Variants in RB1CC1 observed in about 807,000 individuals in gnomAD.
RB1CC1 encodes the protein RB1 inducible coiled-coil 1.
In RB1CC1, 46 loss-of-function variants were observed where a neutral mutation model predicts 177.5. The observed-to-expected ratio is 0.26, with a 90% CI of 0.20 to 0.33. The LOEUF is 0.33. Ranked by LOEUF, RB1CC1 falls within the 10% of genes least tolerant of loss-of-function variation. The pLI is 1.00. For missense variants in RB1CC1, 1,703 were observed against 1,816.3 expected (o/e 0.94, Z 1.13); for synonymous variants, 666 against 613.6 (o/e 1.09, Z -1.26).
intron 1 of RB1CC1, among the ~76,000 whole-genome samples, chr8:52,695,584 T>A (rs763437698): frequency 1.3e-5 from 2 of 152,180 alleles, no homozygotes; most frequent in African/African-American, 2.4e-5. Flanking sequence ...AGGTGAGTCA[T>A]GTGGACAGTA....
chr8:52,654,452 T>C (rs761709353), intron 15 of RB1CC1, among the ~76,000 whole-genome samples: 67 of 145,140 alleles, frequency 4.6e-4, no homozygotes, highest in Non-Finnish European at 8.6e-4. Context: ...AGTAGCTTCC[T>C]GGCAAGTAAC....
intron 5 of RB1CC1, among the ~76,000 whole-genome samples, chr8:52,680,986 GTGTGTGTGTT>G (rs1563431900): frequency 1.6e-5 from 2 of 124,106 alleles, no homozygotes; most frequent in Non-Finnish European, 3.2e-5. Context: ...GTGTGTGTGT[GTGTGTGTGTT>G]TTTTTTTTTT....
At chr8:52,628,317 C>G in intron 21 of RB1CC1, 149 bp from the exon 22 acceptor site, 1 of 853,382 alleles carries the variant, frequency 1.2e-6, no homozygotes, top group Non-Finnish European at 1.7e-6. Context: ...TTTTTGCATT[C>G]TGCCCAGGTC....
chr8:52,712,496 C>CAAAAAAAAAAAAAAAAAAAAAA (rs5891479), intron 1 of RB1CC1, among the ~76,000 whole-genome samples: 1 of 100,490 alleles, frequency 1.0e-5, no homozygotes. Context: ...CAGCAAGAGC[C>CAAAAAAAAAAAAAAAAAAAAAA]AAAAAAAAAA....
chr8:52,674,328 T>A, intron 6 of RB1CC1, 54 bp from the exon 7 acceptor site: 1 of 1,424,468 alleles, frequency 7.0e-7, no homozygotes. Context: ...TAATTAGGAA[T>A]TAGCATGTTT....
intron 15 of RB1CC1, among the ~76,000 whole-genome samples, chr8:52,646,233 C>A (rs762986443): frequency 2.6e-5 from 4 of 152,010 alleles, no homozygotes; most frequent in Admixed American, 2.0e-4. Flanking sequence ...GAGGCCCAGG[C>A]GGGAGGATCA....
chr8:52,656,694 T>C lies in RB1CC1; in HGVS notation c.3135A>G (p.Glu1045=), dbSNP rs921294486. Residue 1045 remains glutamate (E), a synonymous_variant, in exon 15 of 24, where the codon GAA becomes GAG. Coordinates refer to ENST00000025008, the MANE Select transcript of RB1CC1 (RefSeq NM_014781.5). The part of the protein sequence containing the change: ...IIQEKEKQLQ[E]LKLKVSDLSD... ...ACAAATCAGAAACCTTGAGTTTTAA[T>C]TCCTGTAACTGTTTTTCTTTTTCCT... The C allele has an allele frequency of 1.2e-6, 2 of 1,613,854 alleles. No homozygotes were observed.
rs371886765 is a variant in RB1CC1 at position 52,683,956 on chromosome 8, C to G, written c.129G>C (p.Gln43His). 5.6e-5 allele frequency: 90 copies of G among 1,614,014 alleles called. No individual in the cohort carries two copies. The highest frequency in any genetic ancestry group is 6.9e-5 in the Non-Finnish European group (82 of 1,180,016). ...ATTCTCCTCCATTGACCACCAGCAC[C>G]TGGTGTTGAATAGCAATCTTGTATT... ...QSKYKIAIQH[Q>H]VLVVNGGECM... is the part of the protein sequence containing the mutation. The change falls in exon 4 of 24, where the codon CAG becomes CAC. Residue 43 changes from glutamine (Q) to histidine (H), a missense_variant. By Grantham distance (24) the Gln-to-His change is conservative (BLOSUM62 0). Around this residue, in one of 6 missense-constraint regions of RB1CC1, gnomAD observed 118 missense variants for 121.2 expected, o/e 0.97. Transcript: ENST00000025008.
intron 18 of RB1CC1, among the ~76,000 whole-genome samples, chr8:52,638,632 T>A (rs1005253913): frequency 6.6e-5 from 10 of 152,140 alleles, no homozygotes; most frequent in African/African-American, 2.4e-4. Flanking sequence ...TAAATTTCAA[T>A]GTAATATTGA....
intron 12 of RB1CC1, among the ~76,000 whole-genome samples, chr8:52,659,263 G>GTGTA (rs999084405): frequency 4.6e-5 from 7 of 152,126 alleles, no homozygotes; most frequent in African/African-American, 1.7e-4. Flanking sequence ...TATCCTGTAT[G>GTGTA]TGTATGTATG....
intron 8 of RB1CC1, among the ~76,000 whole-genome samples, chr8:52,663,321 G>C (rs1270898202): frequency 6.6e-6 from 1 of 151,672 alleles, no homozygotes; most frequent in Non-Finnish European, 1.5e-5. Context: ...CAGGGCTCCA[G>C]TGTTACACAG....
intron 1 of RB1CC1, among the ~76,000 whole-genome samples, chr8:52,707,644 A>G (rs1856700605): frequency 6.6e-6 from 1 of 151,716 alleles, no homozygotes; most frequent in African/African-American, 2.4e-5. Context: ...ACCAGTTACA[A>G]CCAAGGTAGT....
chr8:52,667,500 G>C (rs547570711), intron 8 of RB1CC1, among the ~76,000 whole-genome samples: 1 of 152,274 alleles, frequency 6.6e-6, no homozygotes, highest in South Asian at 2.1e-4. Flanking sequence ...GAATTTAAGA[G>C]AGGCACTGGT....
Position 52,658,127 on chromosome 8 carries a change from G to A in RB1CC1, c.1794-3C>T. On this transcript the variant is annotated splice_region_variant and splice_polypyrimidine_tract_variant and intron_variant, in intron 13 of 23. Transcript: ENST00000025008. The stretch of plus-strand genomic sequence containing the variant: ...CAAAGTCACAAAGTAAGGGAACCCT[G>A]AAACAGAATGCAATGCAATTAGACT... 1.9e-6 allele frequency: 3 copies of A among 1,609,150 alleles called. No individual in the cohort carries two copies. The highest frequency in any genetic ancestry group is 2.5e-6 in the Non-Finnish European group (3 of 1,178,718).
At position 52,660,915 on chromosome 8, in the gene RB1CC1, T is replaced by C. The variant is rs181137473; in HGVS notation, c.1627+11A>G. Reference sequence around the variant, plus strand: ...TTACAAAAGTAATTAAAATTATTAATGAACACTTACTAAATAATTTCCCAA... The same window carrying C: ...TTACAAAAGTAATTAAAATTATTAACGAACACTTACTAAATAATTTCCCAA... On this transcript the variant is annotated intron_variant, in intron 11 of 23. Transcript: ENST00000025008. 4.8e-5 allele frequency: 76 copies of C among 1,589,724 alleles called. No individual in the cohort carries two copies. In the African/African-American group the frequency reaches 8.8e-4, roughly 18 times the overall value.
At chr8:52,692,117 G>C (rs1474098272) in intron 1 of RB1CC1, among the ~76,000 whole-genome samples, 1 of 152,108 alleles carries the variant, frequency 6.6e-6, no homozygotes, top group Non-Finnish European at 1.5e-5. Flanking sequence ...AGTAAACTTA[G>C]CCAGGGGTGT....
intron 15 of RB1CC1, among the ~76,000 whole-genome samples, chr8:52,647,377 T>A (rs1237541245): frequency 6.6e-6 from 1 of 152,154 alleles, no homozygotes; most frequent in African/African-American, 2.4e-5. Context: ...GGAATATATA[T>A]TCCATAATAT....
intron 20 of RB1CC1, 83 bp from the exon 21 acceptor site, chr8:52,630,611 T>G (rs1013854061): frequency 3.6e-6 from 5 of 1,401,640 alleles, no homozygotes; most frequent in Non-Finnish European, 4.7e-6. Flanking sequence ...CCCACTGTTA[T>G]ACACATTCAA....
chr8:52,710,444 C>G (rs1256063902), intron 1 of RB1CC1, among the ~76,000 whole-genome samples: 1 of 152,174 alleles, frequency 6.6e-6, no homozygotes, highest in Non-Finnish European at 1.5e-5. Context: ...GTACACCCTT[C>G]AGGTTTTTTT....
Sources: allele counts gnomAD v4.1 joint callset (sites outside exome capture counted in the v4.1 genomes callset), GRCh38; gene constraint gnomAD v4.1.1; regional missense constraint gnomAD v4.1.1; transcripts MANE v1.5; gene names NCBI Gene and HGNC (gene_info 2026-07-23, HGNC 2026-07-21).